The following EEPD1 variants were observed in gnomAD, a reference collection of about 807,000 sequenced individuals.
The protein encoded by EEPD1 is endonuclease/exonuclease/phosphatase family domain-containing protein 1.
In EEPD1, 17 loss-of-function variants were observed where a neutral mutation model predicts 46.3. The ratio of observed to expected loss-of-function variants is 0.37; its 90% CI spans 0.25 to 0.55. The LOEUF (loss-of-function observed/expected upper bound fraction) is 0.55, where lower values mean the gene tolerates loss of function less well. Among genes scored for constraint, EEPD1 ranks in the 20% least tolerant of loss-of-function variants. The pLI is 0.83. For missense variants in EEPD1, 673 were observed against 745.6 expected (o/e 0.90, Z 1.13); for synonymous variants, 313 against 315.6 (o/e 0.99, Z 0.09).
At chr7:36,163,776 G>A (rs1684133857) in intron 2 of EEPD1, among the ~76,000 whole-genome samples, 2 of 151,866 alleles carry the variant, frequency 1.3e-5, no homozygotes, top group South Asian at 4.1e-4. Context: ...TACTCGGAAG[G>A]CTGAGGCAGG....
intron 2 of EEPD1, among the ~76,000 whole-genome samples, chr7:36,234,082 CTAATTTTTG>C (rs1048464393): frequency 3.9e-5 from 6 of 152,058 alleles, no homozygotes; most frequent in African/African-American, 1.2e-4. Context: ...CATGCCTGGG[CTAATTTTTG>C]TATTTTTAGT....
In EEPD1 at chr7:36,300,437, G is replaced by C. The variant is rs1787602804; in HGVS notation, c.*1231G>C. ...GGTCACACCACTGGGTAAATAGAGGGATGCAGACTCAGGTTTTGCTATGTG... is the reference window on the plus strand; with the variant it reads ...GGTCACACCACTGGGTAAATAGAGGCATGCAGACTCAGGTTTTGCTATGTG... On this transcript the variant is annotated 3_prime_UTR_variant, in exon 8 of 8. Coordinates refer to ENST00000242108, the MANE Select transcript of EEPD1 (RefSeq NM_030636.3). 1 of 152,272 alleles carries C rather than the reference G, an allele frequency of 6.6e-6. No individual in the cohort carries two copies. Among genetic ancestry groups the C allele is most frequent in the Admixed American group, 6.5e-5 (1 of 15,292 alleles). The allele number at this position is 152,272 out of a possible 1,614,324, so 9.4% of individuals were successfully genotyped here. A position where few individuals can be genotyped will look rare whatever the true frequency, so the allele number is the denominator to read the frequency against.
chr7:36,207,922 G>T (rs918300943), intron 2 of EEPD1, among the ~76,000 whole-genome samples: 3 of 149,386 alleles, frequency 2.0e-5, no homozygotes, highest in Non-Finnish European at 3.0e-5. Flanking sequence ...AACCTAGACA[G>T]GGAGCCAGTC....
chr7:36,270,836 GGT>G (rs1787091190), intron 3 of EEPD1, among the ~76,000 whole-genome samples: 1 of 151,966 alleles, frequency 6.6e-6, no homozygotes, highest in Non-Finnish European at 1.5e-5. Context: ...AAGATTGCTG[GGT>G]CAAATGGTAT....
At position 36,293,290 on chromosome 7, in the gene EEPD1, C is replaced by A. The variant is rs144271120; in HGVS notation, c.1316-3703C>A. ...CATGGCAAAGTGTTCTTGGGTGAGACGTGTTAACAGTTCGAGGTACCCGTC... is the reference window on the plus strand; with the variant it reads ...CATGGCAAAGTGTTCTTGGGTGAGAAGTGTTAACAGTTCGAGGTACCCGTC... On this transcript the variant is annotated intron_variant, in intron 6 of 7. Transcript: ENST00000242108. Among the ~76,000 whole-genome samples the A allele has an allele frequency of 6.0e-3, 906 of 152,156 alleles. 9 individuals are homozygous for A. The highest frequency in any genetic ancestry group is 0.02 in the African/African-American group (842 of 41,516).
Position 36,299,193 on chromosome 7 carries a change from A to C in EEPD1, c.1697A>C (p.Lys566Thr). 1 of 1,614,090 alleles carries C rather than the reference A, an allele frequency of 6.2e-7. No homozygotes were observed. Among genetic ancestry groups the C allele is most frequent in the Non-Finnish European group, 8.5e-7 (1 of 1,179,964 alleles). The change falls in exon 8 of 8, where the codon AAG (lysine) becomes ACG (threonine). Residue 566 changes from lysine (K) to threonine (T), a missense_variant. Coordinates refer to ENST00000242108, the MANE Select transcript of EEPD1 (RefSeq NM_030636.3). The stretch of plus-strand genomic sequence containing the variant: ...TTGGAGCGAAGTGAAGCCAACATCA[A>C]GCACGAGCGATGATGACACCAAATC... ...VALERSEANI[K>T]HER is the part of the protein sequence containing the mutation.
chr7:36,275,139 G>A (rs1386942826), intron 3 of EEPD1, among the ~76,000 whole-genome samples: 2 of 152,154 alleles, frequency 1.3e-5, no homozygotes, highest in South Asian at 2.1e-4. Context: ...CACCCACCTC[G>A]GTGTAGCAGC....
chr7:36,292,040 T>C (rs1787450190), intron 6 of EEPD1, among the ~76,000 whole-genome samples: 1 of 152,364 alleles, frequency 6.6e-6, no homozygotes. Flanking sequence ...TGAAATCACT[T>C]TGTAGTTCTT....
intron 2 of EEPD1, among the ~76,000 whole-genome samples, chr7:36,166,930 G>T (rs1342233045): frequency 6.6e-6 from 1 of 152,082 alleles, no homozygotes; most frequent in Non-Finnish European, 1.5e-5. Context: ...CCACAGACTG[G>T]GGGGCTTCAA....
chr7:36,232,131 C>T (rs1462696764), intron 2 of EEPD1, among the ~76,000 whole-genome samples: 7 of 90,698 alleles, frequency 7.7e-5, no homozygotes, highest in Non-Finnish European at 1.7e-4. Flanking sequence ...GTCTTATCAT[C>T]TTCTCTCCCT....
intron 2 of EEPD1, among the ~76,000 whole-genome samples, chr7:36,179,126 T>C (rs746681982): frequency 3.3e-5 from 5 of 152,242 alleles, no homozygotes; most frequent in Non-Finnish European, 5.9e-5. Flanking sequence ...ATTTAAAAGA[T>C]ACATTTGAGT....
At chr7:36,292,289 A>G (rs1787455861) in intron 6 of EEPD1, among the ~76,000 whole-genome samples, 2 of 151,922 alleles carry the variant, frequency 1.3e-5, no homozygotes, top group Admixed American at 6.6e-5. Flanking sequence ...CAAATTCCAC[A>G]CTCAGAGTCA....
At chr7:36,205,827 A>G (rs547816237) in intron 2 of EEPD1, among the ~76,000 whole-genome samples, 4 of 152,330 alleles carry the variant, frequency 2.6e-5, no homozygotes, top group African/African-American at 9.6e-5. Flanking sequence ...AGTTTTCTGC[A>G]AAGTGGAGTC....
At chr7:36,252,027 C>A (rs940181888) in intron 3 of EEPD1, among the ~76,000 whole-genome samples, 8 of 152,248 alleles carry the variant, frequency 5.3e-5, no homozygotes, top group Non-Finnish European at 1.2e-4. Context: ...AGCTGAGCTG[C>A]TTGGGGAACC....
chr7:36,201,225 T>C (rs1353299846), intron 2 of EEPD1, among the ~76,000 whole-genome samples: 1 of 152,136 alleles, frequency 6.6e-6, no homozygotes, highest in Non-Finnish European at 1.5e-5. Flanking sequence ...AGATGGCAAC[T>C]AAATACGCTG....
intron 2 of EEPD1, chr7:36,231,210 G>A (rs1334278785): frequency 6.6e-6 from 1 of 152,428 alleles, no homozygotes; most frequent in Non-Finnish European, 1.5e-5. Flanking sequence ...CTTGTCTTCT[G>A]TGCTGTCAGT....
intron 2 of EEPD1, among the ~76,000 whole-genome samples, chr7:36,189,411 A>G (rs979891898): frequency 2.0e-5 from 3 of 152,262 alleles, no homozygotes; most frequent in African/African-American, 4.8e-5. Flanking sequence ...AACTAACATT[A>G]TTATTAAATG....
intron 2 of EEPD1, among the ~76,000 whole-genome samples, chr7:36,185,755 C>A (rs1409320371): frequency 1.3e-5 from 2 of 152,222 alleles, no homozygotes; most frequent in Admixed American, 6.5e-5. Context: ...GCTTCCTAAG[C>A]AGGCTTAAGG....
At chr7:36,172,619 T>A (rs979921706) in intron 2 of EEPD1, among the ~76,000 whole-genome samples, 1 of 8,760 alleles carries the variant, frequency 1.1e-4, no homozygotes. Flanking sequence ...TATTATGAGT[T>A]TTTTTTTTTT....
Sources: gnomAD v4.1 joint callset for allele counts (sites outside exome capture counted in the v4.1 genomes callset) on GRCh38, gnomAD v4.1.1 for gene constraint, MANE v1.5 for transcripts, NCBI Gene and HGNC (gene_info 2026-07-23, HGNC 2026-07-21) for gene names.